CADM2: variants seen among roughly 807,000 people sequenced by gnomAD.
CADM2 encodes the protein cell adhesion molecule 2.
Under a neutral mutation model 49.8 loss-of-function variants are expected in CADM2, and 12 were observed. The observed-to-expected ratio is 0.24, with a 90% CI of 0.15 to 0.39. The LOEUF (loss-of-function observed/expected upper bound fraction) is 0.39, where lower values mean the gene tolerates loss of function less well. CADM2 is among the 10% of genes least tolerant of loss of function. The pLI is 1.00. For synonymous variants in CADM2, 214 were observed against 175.4 expected (o/e 1.22, Z -1.74); for missense variants, 378 against 492.3 (o/e 0.77, Z 2.20).
At chr3:85,158,248 G>A (rs1378423271) in intron 1 of CADM2, among the ~76,000 whole-genome samples, 2 of 152,202 alleles carry the variant, frequency 1.3e-5, no homozygotes, top group African/African-American at 2.4e-5. Context: ...TGGTGGGACT[G>A]TAAACTAGTT....
chr3:85,557,475 G>A (rs1477501733), intron 1 of CADM2, among the ~76,000 whole-genome samples: 1 of 115,444 alleles, frequency 8.7e-6, no homozygotes, highest in Non-Finnish European at 2.1e-5. Flanking sequence ...TTATTTCTGA[G>A]CAAGAGTTTT....
intron 1 of CADM2, among the ~76,000 whole-genome samples, chr3:85,450,819 A>T (rs2037717008): frequency 6.6e-6 from 1 of 152,086 alleles, no homozygotes; most frequent in Non-Finnish European, 1.5e-5. Context: ...TCTAACCAGA[A>T]AAATATGAAA....
intron 2 of CADM2, among the ~76,000 whole-genome samples, chr3:85,768,798 C>T (rs2069825312): frequency 1.9e-5 from 2 of 107,780 alleles, no homozygotes; most frequent in Admixed American, 2.3e-4. Flanking sequence ...TATATATACA[C>T]ATATATACAT....
rs78394483 is a variant in CADM2 at position 85,145,498 on chromosome 3, G to A, written c.61+185830G>A. ...TATTATTTGCAATTTTTTTTTTTTG[G>A]TGAAGAATAGGGGCATTTTAAAACA... On this transcript the variant is annotated intron_variant, in intron 1 of 9. Transcript: ENST00000383699. Among the ~76,000 whole-genome samples the A allele has an allele frequency of 5.3e-5, 8 of 150,564 alleles. No individual in the cohort carries two copies. The East Asian group carries it at 1.6e-3, about 29-fold the overall frequency.
intron 8 of CADM2, among the ~76,000 whole-genome samples, chr3:85,976,365 A>T (rs1441155092): frequency 6.6e-6 from 1 of 151,580 alleles, no homozygotes. Flanking sequence ...TAGGTAGAAG[A>T]CAGACGTTTC....
At chr3:85,261,852 C>A (rs749149734) in intron 1 of CADM2, among the ~76,000 whole-genome samples, 8 of 151,972 alleles carry the variant, frequency 5.3e-5, no homozygotes, top group Non-Finnish European at 7.4e-5. Context: ...TAATCTAATG[C>A]CCTTTAATGA....
intron 1 of CADM2, among the ~76,000 whole-genome samples, chr3:85,316,217 A>C (rs2044461133): frequency 6.6e-6 from 1 of 152,188 alleles, no homozygotes; most frequent in African/African-American, 2.4e-5. Flanking sequence ...CTATGCTTTA[A>C]AAATATACAA....
At chr3:85,760,320 C>T (rs1345804199) in intron 2 of CADM2, among the ~76,000 whole-genome samples, 1 of 150,044 alleles carries the variant, frequency 6.7e-6, no homozygotes, top group East Asian at 2.0e-4. Flanking sequence ...CCAGCTGTGT[C>T]CTTGAAAGAT....
chr3:85,256,399 C>T (rs886431113), intron 1 of CADM2, among the ~76,000 whole-genome samples: 5 of 152,072 alleles, frequency 3.3e-5, no homozygotes, highest in Non-Finnish European at 7.3e-5. Flanking sequence ...CTATATAAAG[C>T]ATTTATGAGG....
chr3:85,508,866 T>G, intron 1 of CADM2, among the ~76,000 whole-genome samples: 1 of 149,650 alleles, frequency 6.7e-6, no homozygotes, highest in South Asian at 2.1e-4. Flanking sequence ...TGTGTGTGTA[T>G]TGAGGGTGTA....
chr3:85,937,717 T>A (rs1018946823), intron 7 of CADM2, among the ~76,000 whole-genome samples: 3 of 151,968 alleles, frequency 2.0e-5, no homozygotes, highest in African/African-American at 7.2e-5. Context: ...GTTGCCATCC[T>A]CCTTTATTAG....
intron 3 of CADM2, among the ~76,000 whole-genome samples, chr3:85,867,553 AATATTT>A (rs1355809520): frequency 2.0e-5 from 3 of 152,112 alleles, no homozygotes. Flanking sequence ...ATAAACAATA[AATATTT>A]TAAAAAGAAT....
intron 1 of CADM2, among the ~76,000 whole-genome samples, chr3:85,294,138 A>C (rs2043885101): frequency 1.3e-5 from 2 of 152,144 alleles, no homozygotes; most frequent in African/African-American, 4.8e-5. Flanking sequence ...ATTCTTATAC[A>C]CCAACAACAG....
chr3:85,170,536 C>T (rs2040595861), intron 1 of CADM2, among the ~76,000 whole-genome samples: 1 of 151,922 alleles, frequency 6.6e-6, no homozygotes, highest in Admixed American at 6.6e-5. Context: ...ATGGGGTTCC[C>T]CATTTTAACC....
chr3:85,758,417 A>G (rs1384381652), intron 2 of CADM2, among the ~76,000 whole-genome samples: 1 of 152,102 alleles, frequency 6.6e-6, no homozygotes, highest in Non-Finnish European at 1.5e-5. Context: ...CATTTAGGCT[A>G]TCCTTTCCAG....
intron 1 of CADM2, among the ~76,000 whole-genome samples, chr3:85,395,982 T>A (rs1055732982): frequency 2.0e-5 from 3 of 148,854 alleles, no homozygotes; most frequent in African/African-American, 7.3e-5. Flanking sequence ...TGATAATTTA[T>A]AAAATAAATA....
rs1036744845 is a variant in CADM2 at position 85,212,684 on chromosome 3, T to TA, written c.61+253017dup. ...TGTTATAGGTATTTTTTGATATGTT[T>TA]ATCTTTTAGAAAGATAAAACCACTC... On this transcript the variant is annotated intron_variant, in intron 1 of 9. Transcript: ENST00000383699. Among the ~76,000 whole-genome samples, 27 of 152,112 alleles carry TA rather than the reference T, an allele frequency of 1.8e-4. No individual in the cohort carries two copies. In the South Asian group the frequency reaches 5.4e-3, roughly 30 times the overall value.
intron 1 of CADM2, among the ~76,000 whole-genome samples, chr3:85,361,114 G>A (rs910947004): frequency 1.3e-5 from 2 of 152,084 alleles, no homozygotes; most frequent in Non-Finnish European, 2.9e-5. Context: ...TTTGTAGTAG[G>A]TACTACTCAA....
At chr3:85,174,444 AC>A (rs2040720639) in intron 1 of CADM2, among the ~76,000 whole-genome samples, 2 of 151,586 alleles carry the variant, frequency 1.3e-5, no homozygotes, top group African/African-American at 2.4e-5. Flanking sequence ...ATGTGAGGTG[AC>A]TTTTCCTTAC....
Sources: gnomAD v4.1 joint callset for allele counts (sites outside exome capture counted in the v4.1 genomes callset) on GRCh38, gnomAD v4.1.1 for gene constraint, MANE v1.5 for transcripts, NCBI Gene and HGNC (gene_info 2026-07-23, HGNC 2026-07-21) for gene names.